FOXP1: variants seen among roughly 807,000 people sequenced by gnomAD.
The protein encoded by FOXP1 is forkhead box protein P1.
Under a neutral mutation model 98.2 loss-of-function variants are expected in FOXP1, and 15 were observed. The ratio of observed to expected loss-of-function variants is 0.15; its 90% CI spans 0.10 to 0.24. FOXP1 has a LOEUF of 0.24. Ranked by LOEUF, FOXP1 falls within the 10% of genes least tolerant of loss-of-function variation. The pLI is 1.00. For synonymous variants in FOXP1, 371 were observed against 314.5 expected, an observed-to-expected ratio of 1.18 and a Z score of -1.90; for missense variants, 633 against 848.5, an observed-to-expected ratio of 0.75 and a Z score of 3.15.
intron 4 of FOXP1, among the ~76,000 whole-genome samples, chr3:71,358,154 T>G (rs1560365202): frequency 6.6e-6 from 1 of 152,224 alleles, no homozygotes; most frequent in Non-Finnish European, 1.5e-5. Flanking sequence ...TTATTATTTA[T>G]TAAGGCCTAT....
At position 71,338,073 on chromosome 3, in the gene FOXP1, G is replaced by A. The variant is rs115664758; in HGVS notation, c.-73+21077C>T. Reference sequence around the variant, plus strand: ...AGAGATTCGAAAGAGGTGTACGAAAGGAAAAAATGAAAGCATGGCTTATGC... The same window carrying A: ...AGAGATTCGAAAGAGGTGTACGAAAAGAAAAAATGAAAGCATGGCTTATGC... On this transcript the variant is annotated intron_variant, in intron 4 of 20. Coordinates refer to ENST00000649528, the MANE Select transcript of FOXP1 (RefSeq NM_001349338.3). Among the ~76,000 whole-genome samples the A allele has an allele frequency of 9.1e-3, 1,392 of 152,216 alleles. 24 individuals carry two copies. The highest frequency in any genetic ancestry group is 0.032 in the African/African-American group (1,329 of 41,546).
chr3:71,463,220 T>A (rs927898163), intron 3 of FOXP1, among the ~76,000 whole-genome samples: 1 of 151,802 alleles, frequency 6.6e-6, no homozygotes, highest in Non-Finnish European at 1.5e-5. Context: ...AAAAGTTAGC[T>A]GGGCATGGTG....
At chr3:70,965,393 T>C (rs1171761661) in intron 20 of FOXP1, among the ~76,000 whole-genome samples, 1 of 152,228 alleles carries the variant, frequency 6.6e-6, no homozygotes. Flanking sequence ...CCTTTTGATA[T>C]TTTAAGAGCA....
chr3:71,582,180 A>C, intron 1 of FOXP1: 1 of 983,452 alleles, frequency 1.0e-6, no homozygotes, highest in Non-Finnish European at 1.2e-6. Context: ...TGTCACTGCC[A>C]GTCTCCCGGG....
chr3:71,080,678 G>A (rs1273778023), intron 7 of FOXP1, among the ~76,000 whole-genome samples: 2 of 152,140 alleles, frequency 1.3e-5, no homozygotes, highest in Non-Finnish European at 2.9e-5. Flanking sequence ...CTGTCCTTTG[G>A]AACACTTCAA....
chr3:71,454,653 T>C (rs761412717), intron 3 of FOXP1, among the ~76,000 whole-genome samples: 2 of 152,126 alleles, frequency 1.3e-5, no homozygotes, highest in Non-Finnish European at 2.9e-5. Flanking sequence ...CCTCAAGGTA[T>C]GAGGAGGACT....
intron 3 of FOXP1, among the ~76,000 whole-genome samples, chr3:71,396,975 T>TATATATACACAG (rs2081466246): frequency 1.7e-5 from 1 of 60,284 alleles, no homozygotes; most frequent in African/African-American, 7.4e-5. Flanking sequence ...TGTGTATATA[T>TATATATACACAG]ATATATGTGT....
At chr3:71,012,863 C>T (rs558241850) in intron 12 of FOXP1, among the ~76,000 whole-genome samples, 4 of 152,250 alleles carry the variant, frequency 2.6e-5, no homozygotes, top group African/African-American at 9.6e-5. Context: ...CAGATGTATA[C>T]ATGGGCATAT....
At chr3:71,197,861 G>C in intron 6 of FOXP1, 1 of 1,610,820 alleles carries the variant, frequency 6.2e-7, no homozygotes. Context: ...TTTTATTTTT[G>C]CATGAAAGCA....
intron 12 of FOXP1, among the ~76,000 whole-genome samples, chr3:71,003,970 C>T (rs1180417745): frequency 6.6e-6 from 1 of 151,900 alleles, no homozygotes; most frequent in Non-Finnish European, 1.5e-5. Flanking sequence ...AAATGTTGCC[C>T]AAGCTGACTT....
intron 3 of FOXP1, among the ~76,000 whole-genome samples, chr3:71,382,524 C>G (rs772420022): frequency 5.9e-5 from 9 of 152,188 alleles, no homozygotes; most frequent in Non-Finnish European, 1.3e-4. Context: ...ACAAGTCCAA[C>G]TAGAGTTTCA....
intron 6 of FOXP1, among the ~76,000 whole-genome samples, chr3:71,141,962 G>C (rs62256861): frequency 0.3 from 46,227 of 152,096 alleles, 8,506 homozygotes; most frequent in Non-Finnish European, 0.4. Context: ...AAGAAAGCAT[G>C]AAACAGTGCT....
chr3:71,509,294 T>C (rs2042033160), intron 2 of FOXP1, among the ~76,000 whole-genome samples: 1 of 152,140 alleles, frequency 6.6e-6, no homozygotes, highest in African/African-American at 2.4e-5. Flanking sequence ...AAGCTGAAAG[T>C]CGAAGATCAA....
intron 6 of FOXP1, among the ~76,000 whole-genome samples, chr3:71,120,837 T>G (rs1012197789): frequency 2.0e-5 from 3 of 152,192 alleles, no homozygotes; most frequent in African/African-American, 7.2e-5. Flanking sequence ...GACATGATTT[T>G]ATATTCTTTA....
chr3:71,294,401 CCTT>C (rs1475554889), intron 5 of FOXP1, among the ~76,000 whole-genome samples: 1 of 152,188 alleles, frequency 6.6e-6, no homozygotes, highest in Admixed American at 6.5e-5. Flanking sequence ...ACCCTGGACT[CCTT>C]GTTTTAGACC....
At chr3:71,452,538 A>G (rs1482252430) in intron 3 of FOXP1, among the ~76,000 whole-genome samples, 3 of 152,170 alleles carry the variant, frequency 2.0e-5, no homozygotes, top group Non-Finnish European at 2.9e-5. Context: ...ATAAATGATG[A>G]GATTCAGGCT....
At chr3:71,206,689 T>C (rs1323733456) in intron 5 of FOXP1, among the ~76,000 whole-genome samples, 1 of 152,232 alleles carries the variant, frequency 6.6e-6, no homozygotes, top group Non-Finnish European at 1.5e-5. Context: ...TGTCTTATTC[T>C]TCAGAACTGT....
intron 5 of FOXP1, among the ~76,000 whole-genome samples, chr3:71,260,027 A>G (rs938433841): frequency 2.0e-5 from 3 of 152,218 alleles, no homozygotes; most frequent in East Asian, 1.9e-4. Flanking sequence ...TCTCTCCCCC[A>G]GGCTGGAGTG....
chr3:71,331,601 A>C (rs1253724885), intron 4 of FOXP1, among the ~76,000 whole-genome samples: 4 of 152,268 alleles, frequency 2.6e-5, no homozygotes, highest in Non-Finnish European at 5.9e-5. Context: ...CGTCTAGCTA[A>C]GGGATTGTAA....
Sources: gnomAD v4.1 joint callset for allele counts (sites outside exome capture counted in the v4.1 genomes callset) on GRCh38, gnomAD v4.1.1 for gene constraint, MANE v1.5 for transcripts, NCBI Gene and HGNC (gene_info 2026-07-23, HGNC 2026-07-21) for gene names.